Variants in DLG2 observed in about 807,000 individuals in gnomAD.
The protein encoded by DLG2 is disks large homolog 2.
Under a neutral mutation model 132.5 loss-of-function variants are expected in DLG2, and 45 were observed. That is an observed-to-expected ratio of 0.34 (90% confidence interval 0.27 to 0.44). The LOEUF (loss-of-function observed/expected upper bound fraction) is 0.44. DLG2 is among the 20% of genes least tolerant of loss of function. DLG2 has a pLI of 1.00. For missense variants in DLG2, 1,045 were observed against 1,196.9 expected (o/e 0.87, Z 1.87); for synonymous variants, 424 against 419.6 (o/e 1.01, Z -0.13).
At chr11:85,524,825 G>A (rs761619994) in intron 3 of DLG2, among the ~76,000 whole-genome samples, 2 of 151,808 alleles carry the variant, frequency 1.3e-5, no homozygotes, top group South Asian at 2.1e-4. Flanking sequence ...CAAAGTTCAC[G>A]AACAGGCAAA....
chr11:84,140,206 G>A (rs942276613), intron 9 of DLG2, among the ~76,000 whole-genome samples: 3 of 152,086 alleles, frequency 2.0e-5, no homozygotes, highest in East Asian at 3.9e-4. Flanking sequence ...TGTATTGAGT[G>A]ACCCTTGGGA....
At position 83,680,009 on chromosome 11, in the gene DLG2, C is replaced by A. The variant is rs1056022799; in HGVS notation, c.1826-46684G>T. 1.3e-3 allele frequency among the ~76,000 whole-genome samples: 204 copies of A among 152,240 alleles called. 2 individuals carry two copies. Among genetic ancestry groups the A allele is most frequent in the African/African-American group, 4.7e-3 (197 of 41,560 alleles). On this transcript the variant is annotated intron_variant, in intron 18 of 27. Coordinates refer to ENST00000376104, the MANE Select transcript of DLG2 (RefSeq NM_001142699.3). ...AACATTTGCCTCTTTCGCTTTTAAT[C>A]CTGTTTTGAGAGACATGGTTTTGTG...
intron 3 of DLG2, among the ~76,000 whole-genome samples, chr11:85,454,609 T>C (rs1220240886): frequency 6.6e-6 from 1 of 152,116 alleles, no homozygotes; most frequent in South Asian, 2.1e-4. Context: ...CTTTGCCAGG[T>C]CCTATGTCCA....
rs537038180 is a variant in DLG2 at position 84,373,293 on chromosome 11, G to A, written c.520-122002C>T. On this transcript the variant is annotated intron_variant, in intron 7 of 27. Transcript: ENST00000376104. The stretch of plus-strand genomic sequence containing the variant: ...AACAAAAAAAAAACCCACCAGGCCC[G>A]GCACGGTGGCTCACGCCTGTAATCC... 6.5e-5 allele frequency among the ~76,000 whole-genome samples: 5 copies of A among 77,324 alleles called. No individual in the cohort carries two copies. In the East Asian group the frequency reaches 1.0e-3, roughly 15 times the overall value. 50.7% of individuals were successfully genotyped at this position (77,324 alleles called of 152,430 possible).
At chr11:85,040,396 A>T (rs1257836150) in intron 6 of DLG2, among the ~76,000 whole-genome samples, 1 of 152,012 alleles carries the variant, frequency 6.6e-6, no homozygotes, top group Non-Finnish European at 1.5e-5. Context: ...TACAAGTCAC[A>T]TTTGACTATG....
At chr11:83,534,561 A>AT (rs1189447368) in intron 20 of DLG2, among the ~76,000 whole-genome samples, 2 of 152,236 alleles carry the variant, frequency 1.3e-5, no homozygotes, top group African/African-American at 2.4e-5. Flanking sequence ...GAATTGCAGA[A>AT]TATATTTATT....
chr11:84,655,271 T>C (rs74972965), intron 6 of DLG2, among the ~76,000 whole-genome samples: 3,415 of 152,226 alleles, frequency 0.022, 150 homozygotes, highest in African/African-American at 0.078. Flanking sequence ...AGCAGAACAT[T>C]GACCTATAAT....
chr11:85,593,173 T>C (rs1239592419), intron 3 of DLG2, among the ~76,000 whole-genome samples: 2 of 152,172 alleles, frequency 1.3e-5, no homozygotes, highest in African/African-American at 4.8e-5. Flanking sequence ...AATGGCTCAT[T>C]ATAGTCGTTA....
chr11:85,490,382 G>C (rs184616686), intron 3 of DLG2, among the ~76,000 whole-genome samples: 1 of 151,638 alleles, frequency 6.6e-6, no homozygotes, highest in Non-Finnish European at 1.5e-5. Flanking sequence ...TGAACAACTA[G>C]TTCAAGGAAC....
chr11:84,256,270 T>C (rs2097468062), intron 7 of DLG2, among the ~76,000 whole-genome samples: 1 of 152,188 alleles, frequency 6.6e-6, no homozygotes, highest in African/African-American at 2.4e-5. Flanking sequence ...GGGAAATGCC[T>C]CTGACATATG....
chr11:84,042,741 G>C (rs2096124874), intron 11 of DLG2, among the ~76,000 whole-genome samples: 1 of 151,800 alleles, frequency 6.6e-6, no homozygotes, highest in African/African-American at 2.4e-5. Context: ...GAGGGGCATG[G>C]ATGGAATTGG....
At chr11:84,593,012 G>A (rs1381978629) in intron 6 of DLG2, among the ~76,000 whole-genome samples, 4 of 145,878 alleles carry the variant, frequency 2.7e-5, no homozygotes, top group South Asian at 2.2e-4. Context: ...CCAGCTCCTC[G>A]GGAGGGTGAG....
chr11:85,156,516 T>C (rs989940232), intron 4 of DLG2, among the ~76,000 whole-genome samples: 1 of 152,176 alleles, frequency 6.6e-6, no homozygotes, highest in Non-Finnish European at 1.5e-5. Flanking sequence ...ATCAGAAACA[T>C]AGAGCTCTTT....
At chr11:84,622,575 T>C (rs2099615843) in intron 6 of DLG2, among the ~76,000 whole-genome samples, 1 of 152,128 alleles carries the variant, frequency 6.6e-6, no homozygotes, top group African/African-American at 2.4e-5. Flanking sequence ...CAACACGTGT[T>C]AGGTGTTTCA....
intron 9 of DLG2, among the ~76,000 whole-genome samples, chr11:84,161,253 C>T (rs1235169332): frequency 6.6e-6 from 1 of 151,938 alleles, no homozygotes; most frequent in East Asian, 1.9e-4. Context: ...AGTGAGGGAC[C>T]AGGTAATACA....
intron 8 of DLG2, among the ~76,000 whole-genome samples, chr11:84,212,895 T>C (rs1177147035): frequency 6.6e-6 from 1 of 152,188 alleles, no homozygotes; most frequent in Non-Finnish European, 1.5e-5. Flanking sequence ...CCTGACTTCG[T>C]GATCCGCCCA....
At chr11:83,583,872 G>A (rs1212527172) in intron 19 of DLG2, among the ~76,000 whole-genome samples, 9 of 152,172 alleles carry the variant, frequency 5.9e-5, no homozygotes, top group Non-Finnish European at 1.2e-4. Context: ...TGTTTGTAGT[G>A]TATCAGATGT....
intron 6 of DLG2, among the ~76,000 whole-genome samples, chr11:84,683,986 A>G (rs2099735852): frequency 6.6e-6 from 1 of 152,236 alleles, no homozygotes; most frequent in Non-Finnish European, 1.5e-5. Context: ...TTCAAATAGA[A>G]AACATCTGAT....
At chr11:85,430,593 G>A (rs1027411348) in intron 3 of DLG2, among the ~76,000 whole-genome samples, 2 of 152,052 alleles carry the variant, frequency 1.3e-5, no homozygotes, top group Non-Finnish European at 2.9e-5. Context: ...AAGTAAAAAT[G>A]TAACAATTCT....
Sources: gnomAD v4.1 joint callset for allele counts (sites outside exome capture counted in the v4.1 genomes callset) on GRCh38, gnomAD v4.1.1 for gene constraint, MANE v1.5 for transcripts, NCBI Gene and HGNC (gene_info 2026-07-23, HGNC 2026-07-21) for gene names.